Variants in PIGZ observed in about 807,000 individuals in gnomAD.
PIGZ encodes GPI alpha-1,2-mannosyltransferase 4.
In PIGZ, 16 loss-of-function variants were observed where a neutral mutation model predicts 16.4. That is an observed-to-expected ratio of 0.97 (90% confidence interval 0.66 to 1.48). The LOEUF (loss-of-function observed/expected upper bound fraction) is 1.48. Among genes scored for constraint, PIGZ ranks in the 40% most tolerant of loss-of-function variants. The pLI, the probability that PIGZ is intolerant of heterozygous loss-of-function variation, is 0.00. For missense variants in PIGZ, 770 were observed against 739.2 expected (o/e 1.04, Z -0.48); for synonymous variants, 409 against 338.4 (o/e 1.21, Z -2.29).
chr3:196,958,325 C>T (rs1263438992), intron 1 of PIGZ, among the ~76,000 whole-genome samples: 1 of 152,038 alleles, frequency 6.6e-6, no homozygotes, highest in African/African-American at 2.4e-5. Flanking sequence ...CATGCAGTTC[C>T]TGTCACTCAA....
At chr3:196,963,189 T>C (rs1717790868) in intron 1 of PIGZ, among the ~76,000 whole-genome samples, 1 of 152,252 alleles carries the variant, frequency 6.6e-6, no homozygotes, top group African/African-American at 2.4e-5. Context: ...CCATATTTTG[T>C]GTGCCCATTC....
chr3:196,951,547 C>T (rs762554194), intron 2 of PIGZ: 67 of 508,670 alleles, frequency 1.3e-4, no homozygotes, highest in Non-Finnish European at 2.2e-4. Context: ...ACACAGCTCT[C>T]ATTCTGAATG....
intron 1 of PIGZ, among the ~76,000 whole-genome samples, chr3:196,967,631 C>T (rs1717984705): frequency 6.6e-6 from 1 of 152,190 alleles, no homozygotes; most frequent in Admixed American, 6.5e-5. Flanking sequence ...GTCCATTTGC[C>T]TTTTGGTGCC....
At chr3:196,952,811 G>T (rs2108905464) in intron 1 of PIGZ, among the ~76,000 whole-genome samples, 1 of 152,186 alleles carries the variant, frequency 6.6e-6, no homozygotes, top group East Asian at 1.9e-4. Flanking sequence ...ACCCATTGAG[G>T]GTCTGAATAA....
chr3:196,968,159 C>A (rs1718007353), intron 1 of PIGZ, among the ~76,000 whole-genome samples: 1 of 152,184 alleles, frequency 6.6e-6, no homozygotes, highest in South Asian at 2.1e-4. Flanking sequence ...GGGCAGGAGG[C>A]CATCCTCTTA....
At chr3:196,962,642 G>C (rs1180161584) in intron 1 of PIGZ, among the ~76,000 whole-genome samples, 1 of 117,284 alleles carries the variant, frequency 8.5e-6, no homozygotes, top group Non-Finnish European at 1.8e-5. Flanking sequence ...ACATGCTGGT[G>C]GCAATACTGA....
chr3:196,951,937 A>G lies in PIGZ; in HGVS notation c.95T>C (p.Met32Thr). Residue 32 changes from methionine (M) to threonine (T), a missense_variant, in exon 2 of 3, where the codon ATG becomes ACG. Physicochemically the swap from Met to Thr is moderately conservative, Grantham distance 81 (BLOSUM62 -1). Coordinates refer to ENST00000412723, the MANE Select transcript of PIGZ (RefSeq NM_025163.4). ...ACCACCCCAAAGCACCCTGACTGCCATCTTCAGATCCAGTTGTTGCCAACA... is the reference window on the plus strand; with the variant it reads ...ACCACCCCAAAGCACCCTGACTGCCGTCTTCAGATCCAGTTGTTGCCAACA... Reference protein sequence around the residue: ...PVCWQQLDLKMAVRVLWGGLS... With the variant: ...PVCWQQLDLKTAVRVLWGGLS... 6.2e-7 allele frequency: 1 copy of G among 1,614,204 alleles called. No individual in the cohort carries two copies. Among genetic ancestry groups the G allele is most frequent in the Non-Finnish European group, 8.5e-7 (1 of 1,180,044 alleles).
At position 196,948,621 on chromosome 3, in the gene PIGZ, C is replaced by T. The variant is rs776038473; in HGVS notation, c.276G>A (p.Ser92=). 1.3e-5 allele frequency: 19 copies of T among 1,519,958 alleles called. No individual in the cohort carries two copies. The highest frequency in any genetic ancestry group is 2.6e-5 in the South Asian group (2 of 78,360). The allele number at this position is 1,519,958 out of a possible 1,614,324, so 94.2% of individuals were successfully genotyped here. The change falls in exon 3 of 3, where the codon TCG becomes TCA. Residue 92 remains serine (S), a synonymous_variant. Coordinates refer to ENST00000412723, the MANE Select transcript of PIGZ (RefSeq NM_025163.4). ...WEFYPSSSCR[S]VLFPLLISGS... is the part of the protein sequence containing the mutation. Reference sequence around the variant, plus strand: ...CAGAGATCAGCAGGGGGAAGAGCACCGAGCGGCAGGAGCTGCTGGGGTAAA... The same window carrying T: ...CAGAGATCAGCAGGGGGAAGAGCACTGAGCGGCAGGAGCTGCTGGGGTAAA...
chr3:196,947,830 G>A lies in PIGZ; in HGVS notation c.1067C>T (p.Ala356Val), dbSNP rs373333209. 10 of 1,611,454 alleles carry A rather than the reference G, an allele frequency of 6.2e-6. No homozygotes were observed. Among genetic ancestry groups the A allele is most frequent in the African/African-American group, 1.3e-5 (1 of 74,944 alleles). Residue 356 changes from alanine to valine, a missense_variant, in exon 3 of 3, where the codon GCA becomes GTA. Physicochemically the swap from Ala to Val is moderately conservative, Grantham distance 64. Transcript: ENST00000412723. ...QASAQMGLLR[A>V]LGARSLLSSP... ...GGACAGCAGGCTCCGGGCACCCAGT[G>A]CCCTCAGGAGGCCCATTTGTGCAGA...
rs565415578 is a variant in PIGZ, at chr3:196,948,552, C to T, written c.345G>A (p.Pro115=). Residue 115 remains proline (P), a synonymous_variant, in exon 3 of 3, where the codon CCG becomes CCA. Transcript: ENST00000412723. ...WLLRLWEELG[P]WPGLVSGYAL... ...CATAGCCGCTCACCAGGCCAGGCCACGGCCCCAGCTCCTCCCAGAGCCTGA... is the reference window on the plus strand; with the variant it reads ...CATAGCCGCTCACCAGGCCAGGCCATGGCCCCAGCTCCTCCCAGAGCCTGA... The T allele has an allele frequency of 4.5e-5, 72 of 1,602,982 alleles. No individual in the cohort carries two copies. In the East Asian group the frequency reaches 5.6e-4, roughly 13 times the overall value.
In PIGZ at chr3:196,951,989, T is replaced by C. The variant is rs1209251811; in HGVS notation, c.43A>G (p.Thr15Ala). 6.2e-7 allele frequency: 1 copy of C among 1,614,190 alleles called. No homozygotes were observed. Among genetic ancestry groups the C allele is most frequent in the Non-Finnish European group, 8.5e-7 (1 of 1,180,032 alleles). ...ACCGGGCCCAAAACCTGGAATGATG[T>C]CCCAGCTGCTACAGATGCTACGCTG... is the stretch of plus-strand genomic sequence containing the variant. ...GSSVASVAAGTSFQVLGPVCW... is the reference protein window; with the variant it reads ...GSSVASVAAGASFQVLGPVCW... Residue 15 changes from threonine to alanine, a missense_variant, in exon 2 of 3, where the codon ACA becomes GCA. Coordinates refer to ENST00000412723, the MANE Select transcript of PIGZ (RefSeq NM_025163.4).
intron 1 of PIGZ, among the ~76,000 whole-genome samples, chr3:196,963,035 G>A (rs1209821972): frequency 6.6e-6 from 1 of 152,224 alleles, no homozygotes; most frequent in Non-Finnish European, 1.5e-5. Context: ...AGGTGTGGAG[G>A]GGCAGGCCCC....
At chr3:196,960,134 C>T (rs751294528) in intron 1 of PIGZ, among the ~76,000 whole-genome samples, 11 of 152,304 alleles carry the variant, frequency 7.2e-5, no homozygotes, top group Admixed American at 1.3e-4. Flanking sequence ...GGTGGCTTTA[C>T]AGTAGCCTGA....
intron 1 of PIGZ, among the ~76,000 whole-genome samples, chr3:196,968,456 T>C (rs1401854234): frequency 2.0e-5 from 3 of 152,178 alleles, no homozygotes; most frequent in African/African-American, 7.2e-5. Context: ...CACCGCTGCC[T>C]CCGTCCCCCT....
At chr3:196,948,933 A>ACTTCTCTTCCCTTCCCCTCC (rs1560181010) in intron 2 of PIGZ, among the ~76,000 whole-genome samples, 1 of 4,062 alleles carries the variant, frequency 2.5e-4, no homozygotes, top group Non-Finnish European at 3.5e-4. Flanking sequence ...CCTTCCCTTT[A>ACTTCTCTTCCCTTCCCCTCC]CTTCCCTTCC....
chr3:196,950,570 G>A (rs552147743), intron 2 of PIGZ, among the ~76,000 whole-genome samples: 2 of 152,214 alleles, frequency 1.3e-5, no homozygotes, highest in Admixed American at 1.3e-4. Context: ...TATGTTAGAT[G>A]TTGAAAGGGA....
At chr3:196,949,216 A>G (rs1717162891) in intron 2 of PIGZ, among the ~76,000 whole-genome samples, 1 of 152,000 alleles carries the variant, frequency 6.6e-6, no homozygotes, top group Non-Finnish European at 1.5e-5. Flanking sequence ...GGTTTGAGCC[A>G]CTGCACCTGG....
At position 196,950,744 on chromosome 3, in the gene PIGZ, C is replaced by CTTTT. The variant is rs35150164; in HGVS notation, c.211+1073_211+1076dup. Among the ~76,000 whole-genome samples, 20 of 145,668 alleles carry CTTTT rather than the reference C, an allele frequency of 1.4e-4. 1 individual carries two copies. The highest frequency in any genetic ancestry group is 2.3e-4 in the African/African-American group (9 of 39,300). On this transcript the variant is annotated intron_variant, in intron 2 of 2. Coordinates refer to ENST00000412723, the MANE Select transcript of PIGZ (RefSeq NM_025163.4). ...ATCTATTCCCTCCTCCTTCATTAGACTTTTTTTTTTCTTTTTTTGAGATGG... is the reference window on the plus strand; with the variant it reads ...ATCTATTCCCTCCTCCTTCATTAGACTTTTTTTTTTTTTTCTTTTTTTGAGATGG...
intron 1 of PIGZ, among the ~76,000 whole-genome samples, chr3:196,966,954 C>T (rs1038198000): frequency 1.1e-4 from 16 of 152,000 alleles, no homozygotes; most frequent in African/African-American, 3.9e-4. Context: ...GGCCCAGAGT[C>T]GTGGAGATTG....
Sources: allele counts gnomAD v4.1 joint callset (sites outside exome capture counted in the v4.1 genomes callset), GRCh38; gene constraint gnomAD v4.1.1; transcripts MANE v1.5; gene names NCBI Gene and HGNC (gene_info 2026-07-23, HGNC 2026-07-21).